PDCD11: variants seen among roughly 807,000 people sequenced by gnomAD.
The protein encoded by PDCD11 is programmed cell death 11.
A neutral mutation model predicts 198.9 loss-of-function variants in PDCD11; 97 were observed. That is an observed-to-expected ratio of 0.49 (90% CI 0.41 to 0.58). The LOEUF (loss-of-function observed/expected upper bound fraction) is 0.58, where lower values mean the gene tolerates loss of function less well. Ranked by LOEUF, PDCD11 falls within the 20% of genes least tolerant of loss-of-function variation. The probability of loss-of-function intolerance (pLI) is 0.00; values close to 1 mark genes in which losing one functional copy is unlikely to be tolerated. For synonymous variants in PDCD11, 893 were observed against 918.0 expected, an observed-to-expected ratio of 0.97 and a Z score of 0.49; for missense variants, 2,102 against 2,312.7, an observed-to-expected ratio of 0.91 and a Z score of 1.87.
At chr10:103,416,228 T>C (rs1179275793) in intron 12 of PDCD11, among the ~76,000 whole-genome samples, 1 of 152,156 alleles carries the variant, frequency 6.6e-6, no homozygotes, top group Non-Finnish European at 1.5e-5. Flanking sequence ...ATAGAGGTGA[T>C]GTAAGATAAT....
chr10:103,409,682 G>T lies in PDCD11; in HGVS notation c.871-17G>T. The T allele has an allele frequency of 6.3e-7, 1 of 1,588,734 alleles. No homozygotes were observed. The highest frequency in any genetic ancestry group is 1.7e-4 in the Middle Eastern group (1 of 6,014). ...TTCAAAGAACTTTTTTTTATAACTTGTTCTGTTTATTTCTAGGTGACTCCA... is the reference window on the plus strand; with the variant it reads ...TTCAAAGAACTTTTTTTTATAACTTTTTCTGTTTATTTCTAGGTGACTCCA... On this transcript the variant is annotated splice_polypyrimidine_tract_variant and intron_variant, in intron 7 of 35. Coordinates refer to ENST00000369797, the MANE Select transcript of PDCD11 (RefSeq NM_014976.2).
rs972096548 is a variant in PDCD11 at position 103,400,581 on chromosome 10, G to A, written c.234+53G>A. 2.6e-6 allele frequency: 4 copies of A among 1,546,046 alleles called. No individual in the cohort carries two copies. In the African/African-American group the frequency reaches 5.6e-5, roughly 21 times the overall value. ...CAATCGACCTTGGTTGCTTAAGTTT[G>A]TGTATGTTCTTTTTTTCTTCTTTCC... On this transcript the variant is annotated intron_variant, in intron 3 of 35. Transcript: ENST00000369797.
intron 15 of PDCD11, among the ~76,000 whole-genome samples, 195 bp downstream of exon 15, chr10:103,418,829 C>T (rs150406456): frequency 2.6e-3 from 399 of 152,068 alleles, no homozygotes; most frequent in African/African-American, 8.9e-3. Flanking sequence ...GTGGTCAGGG[C>T]GGAGTAGCCT....
chr10:103,439,134 T>C (rs2032274609), intron 27 of PDCD11, among the ~76,000 whole-genome samples: 1 of 151,294 alleles, frequency 6.6e-6, no homozygotes, highest in South Asian at 2.1e-4. Context: ...AGGCCAGGAG[T>C]TCAAGACCAG....
At position 103,421,351 on chromosome 10, in the gene PDCD11, A is replaced by G. The variant is rs779800371; in HGVS notation, c.2281A>G (p.Met761Val). 16 of 1,604,784 alleles carry G rather than the reference A, an allele frequency of 1.0e-5. No individual in the cohort carries two copies. In the South Asian group the frequency reaches 1.2e-4, roughly 12 times the overall value. The change falls in exon 17 of 36, where the codon ATG (methionine) becomes GTG (valine). Residue 761 changes from methionine (M) to valine (V), a missense_variant. Transcript: ENST00000369797. ...TCCTGCCTGTTCTTCTGTTCAGATCATGAGTGACAAATTTGTGACCTCCAC... is the reference window on the plus strand; with the variant it reads ...TCCTGCCTGTTCTTCTGTTCAGATCGTGAGTGACAAATTTGTGACCTCCAC... ...GLSGLAPKAI[M>V]SDKFVTSTSD...
In PDCD11 at chr10:103,414,131, C is replaced by T. The variant is rs748444395; in HGVS notation, c.1310+41C>T. 5.7e-6 allele frequency: 9 copies of T among 1,592,570 alleles called. No individual in the cohort carries two copies. In the African/African-American group the frequency reaches 9.4e-5, roughly 17 times the overall value. ...ACAGGTAGGGGTGTAGAGATGTGCA[C>T]CTGTACATGTTCATATTCCATTTCT... On this transcript the variant is annotated intron_variant, in intron 10 of 35. Transcript: ENST00000369797.
At chr10:103,397,230 T>TTC (rs1296001251) in intron 1 of PDCD11, among the ~76,000 whole-genome samples, 84 of 133,600 alleles carry the variant, frequency 6.3e-4, no homozygotes, top group African/African-American at 2.2e-3. Flanking sequence ...TTTTTTTTTT[T>TTC]CTGTCACTGA....
intron 22 of PDCD11, among the ~76,000 whole-genome samples, chr10:103,433,289 G>GTT (rs918063760): frequency 1.3e-5 from 2 of 152,170 alleles, no homozygotes; most frequent in African/African-American, 2.4e-5. Context: ...CAGGTCAGGA[G>GTT]TTTGAGACCA....
At chr10:103,415,353 A>G (rs1205288035) in intron 12 of PDCD11, among the ~76,000 whole-genome samples, 1 of 152,100 alleles carries the variant, frequency 6.6e-6, no homozygotes, top group Non-Finnish European at 1.5e-5. Context: ...GTGATGAGAG[A>G]GCAAGCCAGC....
rs1028837252 is a variant in PDCD11, at chr10:103,417,775, G to A, written c.1771-17G>A. 4 of 1,612,734 alleles carry A rather than the reference G, an allele frequency of 2.5e-6. No homozygotes were observed. The highest frequency in any genetic ancestry group is 3.4e-6 in the Non-Finnish European group (4 of 1,179,602). On this transcript the variant is annotated splice_polypyrimidine_tract_variant and intron_variant, in intron 13 of 35. Transcript: ENST00000369797. ...TTGCTGGGAGGAGTTGGCCAAGCCTGTGTGGTTTCTTGCCAGGTGGTGAAG... is the reference window on the plus strand; with the variant it reads ...TTGCTGGGAGGAGTTGGCCAAGCCTATGTGGTTTCTTGCCAGGTGGTGAAG...
At chr10:103,428,165 T>G (rs1401424175) in intron 21 of PDCD11, among the ~76,000 whole-genome samples, 1 of 151,664 alleles carries the variant, frequency 6.6e-6, no homozygotes, top group Non-Finnish European at 1.5e-5. Context: ...ATTAGCCGGG[T>G]GTGGTGGCGG....
At chr10:103,424,962 T>C (rs2031617762) in intron 19 of PDCD11, 22 bp from the exon 20 acceptor site, 1 of 1,611,478 alleles carries the variant, frequency 6.2e-7, no homozygotes, top group Non-Finnish European at 8.5e-7. Context: ...AAAGCAGGGA[T>C]GGTGGCTTTT....
chr10:103,401,172 C>G (rs1304768305), intron 3 of PDCD11, among the ~76,000 whole-genome samples: 1 of 152,134 alleles, frequency 6.6e-6, no homozygotes, highest in Non-Finnish European at 1.5e-5. Context: ...CTCATCTTAC[C>G]CATTCATTTC....
chr10:103,397,248 G>A (rs1439073196), intron 1 of PDCD11, among the ~76,000 whole-genome samples: 3 of 145,418 alleles, frequency 2.1e-5, no homozygotes, highest in Non-Finnish European at 4.5e-5. Flanking sequence ...TGAGATAACA[G>A]GAAACAGTGC....
rs1443260681 is a variant in PDCD11, at chr10:103,444,004, G to C, written c.5214G>C (p.Arg1738Ser). The change falls in exon 34 of 36, where the codon AGG (arginine) becomes AGC (serine). Residue 1738 changes from arginine (R) to serine (S), a missense_variant. Coordinates refer to ENST00000369797, the MANE Select transcript of PDCD11 (RefSeq NM_014976.2). ...AATACGGCGCCTTCCTTCTGCGGAG[G>C]AGCCAGGCTGCAGCCAGTCACCGCG... ...WIKYGAFLLR[R>S]SQAAASHRVL... The C allele has an allele frequency of 6.2e-7, 1 of 1,613,394 alleles. No individual in the cohort carries two copies. The highest frequency in any genetic ancestry group is 1.1e-5 in the South Asian group (1 of 91,042).
chr10:103,441,362 A>G (rs1327857964), intron 30 of PDCD11, among the ~76,000 whole-genome samples: 3 of 152,156 alleles, frequency 2.0e-5, no homozygotes, highest in African/African-American at 7.2e-5. Flanking sequence ...GGTTCAAGCA[A>G]TTCTCATGAC....
At chr10:103,436,746 A>G (rs1019531908) in intron 25 of PDCD11, among the ~76,000 whole-genome samples, 2 of 152,226 alleles carry the variant, frequency 1.3e-5, no homozygotes, top group Non-Finnish European at 2.9e-5. Flanking sequence ...GCCTAAAGGT[A>G]GACGGTCCCT....
intron 25 of PDCD11, among the ~76,000 whole-genome samples, chr10:103,437,110 C>T (rs577488563): frequency 1.8e-4 from 27 of 152,274 alleles, no homozygotes; most frequent in Non-Finnish European, 3.2e-4. Context: ...TACTGTATGC[C>T]TCTGTGAGAC....
intron 35 of PDCD11, among the ~76,000 whole-genome samples, 185 bp downstream of exon 35, chr10:103,444,867 G>C (rs539891666): frequency 2.6e-5 from 4 of 152,228 alleles, no homozygotes; most frequent in African/African-American, 9.6e-5. Flanking sequence ...CATCTGGTCT[G>C]TGTCTGAAAC....
Sources: gnomAD v4.1 joint callset for allele counts (sites outside exome capture counted in the v4.1 genomes callset) on GRCh38, gnomAD v4.1.1 for gene constraint, MANE v1.5 for transcripts, NCBI Gene and HGNC (gene_info 2026-07-23, HGNC 2026-07-21) for gene names.